The following RAP1GAP2 variants were observed in gnomAD, a reference collection of about 807,000 sequenced individuals.
RAP1GAP2 encodes the protein RAP1 GTPase activating protein 2, also known as rap1 GTPase-activating protein 2.
A neutral mutation model predicts 95.0 loss-of-function variants in RAP1GAP2; 27 were observed. The observed-to-expected ratio is 0.28, with a 90% confidence interval of 0.21 to 0.39. RAP1GAP2 has a LOEUF of 0.39. RAP1GAP2 is among the 10% of genes least tolerant of loss of function. The pLI is 1.00. For synonymous variants in RAP1GAP2, 373 were observed against 380.9 expected, an observed-to-expected ratio of 0.98 and a Z score of 0.24; for missense variants, 771 against 970.0, an observed-to-expected ratio of 0.79 and a Z score of 2.72.
At chr17:2,824,833 G>A (rs1184686325) in intron 2 of RAP1GAP2, among the ~76,000 whole-genome samples, 1 of 152,034 alleles carries the variant, frequency 6.6e-6, no homozygotes, top group Non-Finnish European at 1.5e-5. Context: ...AGGAGGAGGA[G>A]GCGGCGGCTG....
At chr17:2,920,888 C>T (rs996451625) in intron 3 of RAP1GAP2, among the ~76,000 whole-genome samples, 1 of 152,198 alleles carries the variant, frequency 6.6e-6, no homozygotes, top group Non-Finnish European at 1.5e-5. Context: ...ATCCGCTACC[C>T]TCTTCCATGA....
chr17:2,776,735 G>C (rs1597285392), upstream of RAP1GAP2, among the ~76,000 whole-genome samples: 1 of 149,716 alleles, frequency 6.7e-6, no homozygotes, highest in East Asian at 1.9e-4. Context: ...GCGGGCGGTG[G>C]CGGCTGCGGA....
chr17:2,812,442 ACT>A (rs2069809423), intron 2 of RAP1GAP2, among the ~76,000 whole-genome samples: 1 of 151,862 alleles, frequency 6.6e-6, no homozygotes, highest in Non-Finnish European at 1.5e-5. Context: ...GCTGTGACTA[ACT>A]CTTCATCCCT....
At chr17:2,860,047 T>C (rs942706790) in intron 2 of RAP1GAP2, among the ~76,000 whole-genome samples, 2 of 152,142 alleles carry the variant, frequency 1.3e-5, no homozygotes, top group African/African-American at 4.8e-5. Flanking sequence ...ATCGGGAGAT[T>C]ACCTGTGTCC....
chr17:2,883,963 G>C (rs373655700), intron 2 of RAP1GAP2, among the ~76,000 whole-genome samples: 1 of 152,238 alleles, frequency 6.6e-6, no homozygotes. Flanking sequence ...ACAGGCCCCT[G>C]TGGTTACCCA....
At chr17:2,830,819 A>G (rs1164965281) in intron 2 of RAP1GAP2, among the ~76,000 whole-genome samples, 1 of 151,906 alleles carries the variant, frequency 6.6e-6, no homozygotes, top group Admixed American at 6.6e-5. Context: ...TATGTGGTAG[A>G]AAGATTTGCT....
intron 2 of RAP1GAP2, among the ~76,000 whole-genome samples, chr17:2,877,833 T>A (rs2073150424): frequency 6.6e-6 from 1 of 152,140 alleles, no homozygotes; most frequent in Non-Finnish European, 1.5e-5. Flanking sequence ...AGGCCTTAGA[T>A]AGGGGGCTCA....
chr17:2,811,270 G>C (rs1177117763), intron 2 of RAP1GAP2, among the ~76,000 whole-genome samples: 3 of 152,224 alleles, frequency 2.0e-5, no homozygotes, highest in Non-Finnish European at 4.4e-5. Flanking sequence ...AGGATGGACA[G>C]CTAGAGGCGA....
chr17:2,839,857 T>C (rs2071293914), intron 2 of RAP1GAP2, among the ~76,000 whole-genome samples: 1 of 152,132 alleles, frequency 6.6e-6, no homozygotes, highest in South Asian at 2.1e-4. Context: ...TGGAGTGCAA[T>C]GCGTGATCTC....
At chr17:2,995,596 C>T (rs1217330277) in intron 13 of RAP1GAP2, 130 bp downstream of exon 13, 2 of 1,278,128 alleles carry the variant, frequency 1.6e-6, no homozygotes, top group Non-Finnish European at 2.2e-6. Context: ...TTCAGCTGCG[C>T]AGCAGCGTCA....
chr17:2,942,918 C>T (rs1477534101), intron 3 of RAP1GAP2, among the ~76,000 whole-genome samples: 3 of 152,044 alleles, frequency 2.0e-5, no homozygotes, highest in African/African-American at 4.8e-5. Flanking sequence ...CAGGCACTCA[C>T]CACCCACGCC....
At chr17:2,933,272 A>G (rs2043213033) in intron 3 of RAP1GAP2, among the ~76,000 whole-genome samples, 2 of 152,154 alleles carry the variant, frequency 1.3e-5, no homozygotes. Context: ...TGACACAGCC[A>G]GACACCTGCC....
At chr17:2,916,430 C>T (rs1161977022) in intron 3 of RAP1GAP2, among the ~76,000 whole-genome samples, 1 of 152,234 alleles carries the variant, frequency 6.6e-6, no homozygotes, top group East Asian at 1.9e-4. Context: ...TAAATCACTT[C>T]TGGCATCTCT....
At chr17:3,014,621 C>G (rs1322817507) in intron 17 of RAP1GAP2, among the ~76,000 whole-genome samples, 1 of 146,662 alleles carries the variant, frequency 6.8e-6, no homozygotes, top group African/African-American at 2.5e-5. Flanking sequence ...GCGATCTCGG[C>G]TCACTGCAAC....
chr17:2,899,401 C>T (rs1316758925), intron 2 of RAP1GAP2, among the ~76,000 whole-genome samples: 2 of 151,796 alleles, frequency 1.3e-5, no homozygotes, highest in Non-Finnish European at 2.9e-5. Flanking sequence ...TTAGTAGAGA[C>T]GGGGTTTCAC....
chr17:2,840,374 G>C (rs1403771291), intron 2 of RAP1GAP2, among the ~76,000 whole-genome samples: 2 of 151,952 alleles, frequency 1.3e-5, no homozygotes, highest in Non-Finnish European at 2.9e-5. Context: ...CATTGGCCAG[G>C]CTGGTCTCAA....
chr17:2,984,874 C>A, intron 10 of RAP1GAP2, 109 bp from the exon 11 acceptor site: 2 of 1,534,290 alleles, frequency 1.3e-6, no homozygotes, highest in Non-Finnish European at 1.8e-6. Flanking sequence ...ATGTTTCATA[C>A]CAGGGAACAC....
At chr17:3,032,310 G>T (rs1032052913) in intron 23 of RAP1GAP2, 101 bp from the exon 24 acceptor site, 18 of 1,374,796 alleles carry the variant, frequency 1.3e-5, no homozygotes, top group Admixed American at 1.8e-5. Flanking sequence ...ATCCCTTCCT[G>T]AGCTCACCAG....
intron 3 of RAP1GAP2, among the ~76,000 whole-genome samples, chr17:2,927,272 G>C (rs1486447355): frequency 6.6e-6 from 1 of 151,752 alleles, no homozygotes; most frequent in Non-Finnish European, 1.5e-5. Flanking sequence ...TCCTGCCTCA[G>C]CCTCCCGAGT....
Sources: allele counts gnomAD v4.1 joint callset (sites outside exome capture counted in the v4.1 genomes callset), GRCh38; gene constraint gnomAD v4.1.1; transcripts MANE v1.5; gene names NCBI Gene and HGNC (gene_info 2026-07-23, HGNC 2026-07-21).